The following VPS37A variants were observed in gnomAD, a reference collection of about 807,000 sequenced individuals.
The protein encoded by VPS37A is vacuolar protein sorting-associated protein 37A.
VPS37A carries 30 observed loss-of-function variants against 49.8 expected under a neutral mutation model. That is an observed-to-expected ratio of 0.60 (90% CI 0.45 to 0.82). The LOEUF (loss-of-function observed/expected upper bound fraction) is 0.82. VPS37A is among the 40% of genes least tolerant of loss of function. The pLI, the probability that VPS37A is intolerant of heterozygous loss-of-function variation, is 0.00. For synonymous variants in VPS37A, 195 were observed against 160.6 expected (o/e 1.21, Z -1.62); for missense variants, 593 against 464.4 (o/e 1.28, Z -2.55).
chr8:17,330,410 C>T, the VPS37A span, among the ~76,000 whole-genome samples: 36 of 152,210 alleles, frequency 2.4e-4, 1 homozygote, highest in Admixed American at 2.0e-3. Flanking sequence ...TTTCCCAGTT[C>T]GCAGAGCCGG....
At chr8:17,312,779 T>TAAATCCA in the VPS37A span, among the ~76,000 whole-genome samples, 1 of 152,082 alleles carries the variant, frequency 6.6e-6, no homozygotes, top group Non-Finnish European at 1.5e-5. Context: ...TGGTTCTCTT[T>TAAATCCA]AGGTATAAAT....
In VPS37A at chr8:17,268,278, C is replaced by T. The variant is rs1393547888; in HGVS notation, c.221C>T (p.Pro74Leu). The stretch of plus-strand genomic sequence containing the variant: ...ACCAGATTGCTTCCTCCACAGTTTC[C>T]TCAGGAAAAACCAGTGATCAGTGTT... ...NINILLPPQFPQEKPVISVYP... is the reference protein window; with the variant it reads ...NINILLPPQFLQEKPVISVYP... The change falls in exon 3 of 12, where the codon CCT (proline) becomes CTT (leucine). Residue 74 changes from proline (P) to leucine (L), a missense_variant. Physicochemically the swap from Pro to Leu is moderately conservative, Grantham distance 98. Coordinates refer to ENST00000324849, the MANE Select transcript of VPS37A (RefSeq NM_152415.3). 6.2e-7 allele frequency: 1 copy of T among 1,612,444 alleles called. No homozygotes were observed.
chr8:17,309,198 T>C, the VPS37A span: 1 of 981,522 alleles, frequency 1.0e-6, no homozygotes, highest in Non-Finnish European at 1.6e-6. Context: ...AAGACGATTT[T>C]CCCCTAAATA....
chr8:17,277,404 A>G (rs1341391629), intron 6 of VPS37A, among the ~76,000 whole-genome samples: 1 of 152,012 alleles, frequency 6.6e-6, no homozygotes, highest in South Asian at 2.1e-4. Context: ...TGTTATGAAA[A>G]CATCAAAAAT....
chr8:17,311,480 C>T, the VPS37A span: 19 of 1,613,686 alleles, frequency 1.2e-5, 1 homozygote, highest in Admixed American at 3.0e-4. Flanking sequence ...CAAGGCACCG[C>T]CTGTGGGAAT....
At chr8:17,272,758 A>T (rs757952713) in intron 4 of VPS37A, among the ~76,000 whole-genome samples, 1 of 152,202 alleles carries the variant, frequency 6.6e-6, no homozygotes, top group Admixed American at 6.5e-5. Flanking sequence ...TGAAATGAAC[A>T]AGCTGATTAG....
rs369062563 is a variant in VPS37A at position 17,278,145 on chromosome 8, G to T, written c.713+1678G>T. Among the ~76,000 whole-genome samples, 7 of 152,048 alleles carry T rather than the reference G, an allele frequency of 4.6e-5. No homozygotes were observed. In the South Asian group the frequency reaches 1.2e-3, roughly 27 times the overall value. On this transcript the variant is annotated intron_variant, in intron 6 of 11. Coordinates refer to ENST00000324849, the MANE Select transcript of VPS37A (RefSeq NM_152415.3). ...CTGCTGGTGGCTAGAAGTAGACAAGGTTCAATTCTTTTGCCAATACTTATG... is the reference window on the plus strand; with the variant it reads ...CTGCTGGTGGCTAGAAGTAGACAAGTTTCAATTCTTTTGCCAATACTTATG...
the VPS37A span, among the ~76,000 whole-genome samples, chr8:17,321,123 T>C: frequency 6.6e-6 from 1 of 152,224 alleles, no homozygotes; most frequent in Non-Finnish European, 1.5e-5. Context: ...CTCTGACGCT[T>C]AGCCCAGGAA....
chr8:17,259,659 GA>G (rs1217074337), intron 1 of VPS37A, among the ~76,000 whole-genome samples: 2 of 152,052 alleles, frequency 1.3e-5, no homozygotes, highest in Non-Finnish European at 2.9e-5. Flanking sequence ...TTGCATTACT[GA>G]TAGTAGAGTG....
downstream of VPS37A, among the ~76,000 whole-genome samples, chr8:17,305,284 T>G (rs1817378197): frequency 6.6e-6 from 1 of 152,234 alleles, no homozygotes; most frequent in Non-Finnish European, 1.5e-5. Flanking sequence ...CACTTTGTTG[T>G]AAGTTTTTTA....
chr8:17,267,737 G>C lies in VPS37A; in HGVS notation c.201-521G>C, dbSNP rs535482993. ...AGATGAGGTCTCACTGTGTTGCCCA[G>C]GCTGGACTTGAACTCCTGGGCTCAA... On this transcript the variant is annotated intron_variant, in intron 2 of 11. Transcript: ENST00000324849. 3.2e-4 allele frequency among the ~76,000 whole-genome samples: 48 copies of C among 152,276 alleles called. No homozygotes were observed. In the South Asian group the frequency reaches 7.0e-3, roughly 22 times the overall value.
chr8:17,260,461 G>A (rs1035014839), intron 1 of VPS37A, among the ~76,000 whole-genome samples: 2 of 151,972 alleles, frequency 1.3e-5, no homozygotes, highest in Non-Finnish European at 2.9e-5. Flanking sequence ...TTTATTTTGG[G>A]CCTCATACTG....
rs1814928819 is a variant in VPS37A, at chr8:17,280,363, T to G, written c.901-12T>G. On this transcript the variant is annotated splice_polypyrimidine_tract_variant and intron_variant, in intron 8 of 11. Transcript: ENST00000324849. ...AAATAGAATAAAACAACCTTTTCATTTTCTCTTTTAGTATGAATTACTTAC... is the reference window on the plus strand; with the variant it reads ...AAATAGAATAAAACAACCTTTTCATGTTCTCTTTTAGTATGAATTACTTAC... 1 of 1,603,214 alleles carries G rather than the reference T, an allele frequency of 6.2e-7. No homozygotes were observed. The highest frequency in any genetic ancestry group is 8.5e-7 in the Non-Finnish European group (1 of 1,176,890).
the VPS37A span, among the ~76,000 whole-genome samples, chr8:17,329,813 C>T: frequency 3.3e-5 from 5 of 152,136 alleles, no homozygotes; most frequent in Non-Finnish European, 5.9e-5. Context: ...TGAAGCTGCT[C>T]AAATAATCAT....
chr8:17,288,725 G>C (rs377501255), intron 11 of VPS37A, among the ~76,000 whole-genome samples: 9 of 152,142 alleles, frequency 5.9e-5, no homozygotes, highest in African/African-American at 2.2e-4. Context: ...TAATACTTTG[G>C]GTATATACCC....
chr8:17,281,732 G>A (rs1363849223), intron 9 of VPS37A, among the ~76,000 whole-genome samples: 2 of 151,950 alleles, frequency 1.3e-5, no homozygotes, highest in Non-Finnish European at 2.9e-5. Flanking sequence ...AGAGAACTGA[G>A]AAATTTTTTC....
At chr8:17,316,505 G>C in the VPS37A span, among the ~76,000 whole-genome samples, 1 of 149,962 alleles carries the variant, frequency 6.7e-6, no homozygotes, top group Non-Finnish European at 1.5e-5. Flanking sequence ...CTTGTGGAAA[G>C]TCTCCCTGTA....
the VPS37A span, among the ~76,000 whole-genome samples, chr8:17,310,675 A>G: frequency 3.3e-5 from 5 of 152,160 alleles, no homozygotes; most frequent in Admixed American, 2.6e-4. Flanking sequence ...CCAAAAAAAG[A>G]AAAACATCCC....
intron 4 of VPS37A, among the ~76,000 whole-genome samples, chr8:17,270,460 C>G (rs1031617335): frequency 1.3e-5 from 2 of 152,142 alleles, no homozygotes; most frequent in Non-Finnish European, 2.9e-5. Context: ...CCTGCGCTTC[C>G]TCACTGCGTG....
Sources: gnomAD v4.1 joint callset for allele counts (sites outside exome capture counted in the v4.1 genomes callset) on GRCh38, gnomAD v4.1.1 for gene constraint, MANE v1.5 for transcripts, NCBI Gene and HGNC (gene_info 2026-07-23, HGNC 2026-07-21) for gene names.